DACH2: variants seen among roughly 807,000 people sequenced by gnomAD.
DACH2 encodes the protein dachshund homolog 2.
A neutral mutation model predicts 35.8 loss-of-function variants in DACH2; 17 were observed. The ratio of observed to expected loss-of-function variants is 0.48; its 90% CI spans 0.33 to 0.71. DACH2 has a LOEUF of 0.71. DACH2 is among the 30% of genes least tolerant of loss of function. DACH2 has a pLI of 0.02. For synonymous variants in DACH2, 195 were observed against 177.3 expected (o/e 1.10, Z -0.79); for missense variants, 469 against 472.7 (o/e 0.99, Z 0.07).
chrX:86,402,496 G>C (rs1479742993), intron 2 of DACH2, among the ~76,000 whole-genome samples: 2 of 111,115 alleles, frequency 1.8e-5, no homozygotes, highest in African/African-American at 6.5e-5. Context: ...TCTCTACAAG[G>C]AGAAATACAA....
chrX:86,678,611 G>A (rs141545195), intron 4 of DACH2, among the ~76,000 whole-genome samples: 1,815 of 111,708 alleles, frequency 0.016, 14 homozygotes, highest in Middle Eastern at 0.047. Flanking sequence ...CATAACTTAT[G>A]TATGCTTTTA....
chrX:86,303,621 T>G (rs5923521), intron 1 of DACH2, among the ~76,000 whole-genome samples: 54,003 of 108,791 alleles, frequency 0.5, 10,171 homozygotes, highest in Non-Finnish European at 0.57. Flanking sequence ...TTTCTACCTT[T>G]GGATTTTATG....
chrX:86,815,254 G>A (rs2147353888), intron 10 of DACH2, among the ~76,000 whole-genome samples: 1 of 111,317 alleles, frequency 9.0e-6, no homozygotes, highest in South Asian at 3.8e-4. Context: ...CATGCCTAAG[G>A]AGTACCAGGT....
intron 11 of DACH2, among the ~76,000 whole-genome samples, chrX:86,826,810 T>C (rs1028944093): frequency 8.9e-6 from 1 of 112,516 alleles, no homozygotes; most frequent in Admixed American, 9.4e-5. Flanking sequence ...TTATTTTATC[T>C]CTTTCTTATT....
chrX:86,359,693 G>A (rs958780021), intron 1 of DACH2, among the ~76,000 whole-genome samples: 3 of 110,836 alleles, frequency 2.7e-5, no homozygotes, highest in Non-Finnish European at 5.7e-5. Context: ...AAACTACAGT[G>A]AGCCATGATT....
intron 1 of DACH2, among the ~76,000 whole-genome samples, chrX:86,162,459 A>G (rs1245548594): frequency 3.6e-5 from 4 of 111,645 alleles, no homozygotes; most frequent in African/African-American, 1.3e-4. Context: ...AGTAGGCAGT[A>G]TAGAGTGTAC....
At chrX:86,226,523 TAGCCTTCTCTTATGGAAGTAACTAG>T (rs1448620647) in intron 1 of DACH2, among the ~76,000 whole-genome samples, 8 of 111,921 alleles carry the variant, frequency 7.1e-5, no homozygotes, top group African/African-American at 2.6e-4. Flanking sequence ...CTCTCTGATC[TAGCCTTCTCTTATGGAAGTAACTAG>T]AGATTAAAGT....
chrX:86,243,076 C>T (rs146205221), intron 1 of DACH2, among the ~76,000 whole-genome samples: 2,058 of 111,567 alleles, frequency 0.018, 21 homozygotes, highest in Non-Finnish European at 0.028. Context: ...CCAGGCTGGT[C>T]TCCAACAGAG....
intron 4 of DACH2, among the ~76,000 whole-genome samples, chrX:86,656,665 C>G (rs953259695): frequency 9.2e-6 from 1 of 108,517 alleles, no homozygotes; most frequent in Admixed American, 1.0e-4. Flanking sequence ...TAGACCTGAT[C>G]TGACCTCAAG....
Position 86,492,159 on chromosome X carries a change from A to G in DACH2, c.528-22120A>G, listed in dbSNP as rs191261076. 3.7e-4 allele frequency among the ~76,000 whole-genome samples: 41 copies of G among 111,260 alleles called. 1 individual carries two copies. The East Asian group carries it at 0.01, about 28-fold the overall frequency. ...CAGTTCATTCATGTTGTCACATATTACAGATCAAAAACAACCCATATCATA... is the reference window on the plus strand; with the variant it reads ...CAGTTCATTCATGTTGTCACATATTGCAGATCAAAAACAACCCATATCATA... On this transcript the variant is annotated intron_variant, in intron 2 of 11. Transcript: ENST00000373125.
chrX:86,405,970 A>C (rs758658294), intron 2 of DACH2, among the ~76,000 whole-genome samples: 12 of 111,053 alleles, frequency 1.1e-4, no homozygotes, highest in African/African-American at 3.3e-4. Flanking sequence ...AAACCATCAG[A>C]TCTCATGATA....
intron 1 of DACH2, among the ~76,000 whole-genome samples, chrX:86,364,884 T>A (rs1239562160): frequency 2.7e-5 from 3 of 111,278 alleles, no homozygotes; most frequent in Admixed American, 9.6e-5. Context: ...GAAGAGATAT[T>A]TGAATAAAGA....
At chrX:86,343,282 A>C (rs1032924724) in intron 1 of DACH2, among the ~76,000 whole-genome samples, 1 of 111,632 alleles carries the variant, frequency 9.0e-6, no homozygotes, top group Non-Finnish European at 1.9e-5. Flanking sequence ...AGAGATGTTT[A>C]ATTTACAAGT....
chrX:86,749,944 A>C (rs34788256), intron 7 of DACH2, among the ~76,000 whole-genome samples: 7,515 of 110,548 alleles, frequency 0.068, 593 homozygotes, highest in African/African-American at 0.23. Flanking sequence ...AACTTTATTA[A>C]TTTTTTTAGC....
intron 1 of DACH2, among the ~76,000 whole-genome samples, chrX:86,198,135 G>GA (rs1352902097): frequency 8.9e-6 from 1 of 111,955 alleles, no homozygotes; most frequent in African/African-American, 3.2e-5. Flanking sequence ...CAGTTACATG[G>GA]AAATTGAATA....
chrX:86,541,394 G>A (rs2038879066), intron 3 of DACH2, among the ~76,000 whole-genome samples: 1 of 110,596 alleles, frequency 9.0e-6, no homozygotes, highest in Admixed American at 9.7e-5. Flanking sequence ...GTCTAGCACG[G>A]TATATTTCCT....
At chrX:86,309,392 C>T (rs1478962321) in intron 1 of DACH2, among the ~76,000 whole-genome samples, 1 of 112,419 alleles carries the variant, frequency 8.9e-6, no homozygotes, top group Admixed American at 9.4e-5. Flanking sequence ...TGTTTATAAG[C>T]CCCACCAGAA....
At chrX:86,600,604 G>A (rs1417341525) in intron 3 of DACH2, among the ~76,000 whole-genome samples, 1 of 111,992 alleles carries the variant, frequency 8.9e-6, no homozygotes, top group African/African-American at 3.2e-5. Context: ...TTGGCACTTG[G>A]TCAGTGGTAT....
chrX:86,492,534 A>G (rs1277231626), intron 2 of DACH2, among the ~76,000 whole-genome samples: 1 of 112,056 alleles, frequency 8.9e-6, no homozygotes, highest in African/African-American at 3.2e-5. Flanking sequence ...GAGGTTTGAG[A>G]TACAAATGAT....
Sources: gnomAD v4.1 joint callset for allele counts (sites outside exome capture counted in the v4.1 genomes callset) on GRCh38, gnomAD v4.1.1 for gene constraint, MANE v1.5 for transcripts, NCBI Gene and HGNC (gene_info 2026-07-23, HGNC 2026-07-21) for gene names.